Variants in MTUS1 observed in about 807,000 individuals in gnomAD.
The protein encoded by MTUS1 is microtubule-associated tumor suppressor 1.
MTUS1 carries 109 observed loss-of-function variants against 120.8 expected under a neutral mutation model. The observed-to-expected ratio is 0.90, with a 90% CI of 0.77 to 1.06. The LOEUF is 1.06. Among genes scored for constraint, MTUS1 ranks in the 50% least tolerant of loss-of-function variants. The pLI is 0.00. For missense variants in MTUS1, 2,210 were observed against 1,486.3 expected (o/e 1.49, Z -8.01); for synonymous variants, 737 against 550.5 (o/e 1.34, Z -4.74).
At chr8:17,674,866 A>G in intron 8 of MTUS1, 1 of 1,144,508 alleles carries the variant, frequency 8.7e-7, no homozygotes, top group Non-Finnish European at 1.1e-6. Context: ...GTGCTTCAGA[A>G]AAAAAAATGA....
chr8:17,676,098 G>C (rs1233049857), intron 7 of MTUS1: 8 of 573,976 alleles, frequency 1.4e-5, no homozygotes, highest in Non-Finnish European at 2.1e-5. Context: ...GCCCTCACGA[G>C]GATCACCCAA....
At chr8:17,761,645 A>G (rs1311553520) in intron 1 of MTUS1, among the ~76,000 whole-genome samples, 2 of 152,238 alleles carry the variant, frequency 1.3e-5, no homozygotes, top group African/African-American at 4.8e-5. Flanking sequence ...TTGTAACACC[A>G]TATTATAACT....
intron 2 of MTUS1, among the ~76,000 whole-genome samples, chr8:17,746,655 G>C (rs761205186): frequency 6.6e-6 from 1 of 152,096 alleles, no homozygotes; most frequent in African/African-American, 2.4e-5. Context: ...ACAATATGTG[G>C]GAATTACAGG....
rs531602667 is a variant in MTUS1, at chr8:17,739,603, G to C, written c.2287+4001C>G. 2.0e-5 allele frequency among the ~76,000 whole-genome samples: 3 copies of C among 152,290 alleles called. No homozygotes were observed. In the East Asian group the frequency reaches 5.8e-4, roughly 29 times the overall value. On this transcript the variant is annotated intron_variant, in intron 3 of 14. Transcript: ENST00000693296. ...GGTTAACAGCATCACTGGCTGGTCT[G>C]AATCCCACCTCTGCCACTTTCCAGC... is the stretch of plus-strand genomic sequence containing the variant.
At position 17,705,243 on chromosome 8, in the gene MTUS1, C is replaced by A. The variant is rs192345119; in HGVS notation, c.2623+7971G>T. ...AAGCAATCCACCTGTCTTGGCCCCC[C>A]AAAGTGTTGGGATTACAGGCGTGAG... is the stretch of plus-strand genomic sequence containing the variant. On this transcript the variant is annotated intron_variant, in intron 6 of 14. Transcript: ENST00000693296. Among the ~76,000 whole-genome samples, 291 of 152,302 alleles carry A rather than the reference C, an allele frequency of 1.9e-3. 1 individual carries two copies. The highest frequency in any genetic ancestry group is 6.6e-3 in the African/African-American group (273 of 41,572).
intron 6 of MTUS1, among the ~76,000 whole-genome samples, chr8:17,700,352 C>T (rs545868737): frequency 2.3e-4 from 35 of 150,670 alleles, no homozygotes; most frequent in Middle Eastern, 3.5e-3. Context: ...GGCCTGTAAT[C>T]CCAGCTACTC....
chr8:17,740,009 C>G (rs143552885), intron 3 of MTUS1, among the ~76,000 whole-genome samples: 54 of 152,066 alleles, frequency 3.6e-4, no homozygotes, highest in Non-Finnish European at 6.9e-4. Context: ...AGTTCGAGAC[C>G]GGCCTGGCCA....
chr8:17,649,164 A>T (rs548726960), intron 13 of MTUS1, among the ~76,000 whole-genome samples: 1 of 152,110 alleles, frequency 6.6e-6, no homozygotes, highest in South Asian at 2.1e-4. Context: ...TCTCACCTCA[A>T]TGGAACCTCC....
chr8:17,777,601 G>A (rs17125351), intron 1 of MTUS1, among the ~76,000 whole-genome samples: 12,375 of 152,108 alleles, frequency 0.081, 1,702 homozygotes, highest in African/African-American at 0.28. Context: ...ACATACCAAG[G>A]GGAGCAGAAA....
At chr8:17,792,577 C>T (rs1265204534) in intron 1 of MTUS1, among the ~76,000 whole-genome samples, 1 of 152,184 alleles carries the variant, frequency 6.6e-6, no homozygotes, top group Non-Finnish European at 1.5e-5. Context: ...AAAGCAACAT[C>T]AGAAGGCTGG....
intron 1 of MTUS1, among the ~76,000 whole-genome samples, chr8:17,776,756 G>A (rs2050474566): frequency 6.8e-6 from 1 of 148,100 alleles, no homozygotes; most frequent in Admixed American, 6.8e-5. Flanking sequence ...AATGTTGACT[G>A]TAAATTAGAT....
intron 2 of MTUS1, among the ~76,000 whole-genome samples, chr8:17,747,810 T>C (rs768823325): frequency 3.9e-5 from 6 of 152,084 alleles, no homozygotes; most frequent in African/African-American, 7.2e-5. Context: ...AGAGGTTTAA[T>C]TGGACTTAAG....
At chr8:17,678,462 T>C (rs987730691) in intron 7 of MTUS1, among the ~76,000 whole-genome samples, 3 of 152,110 alleles carry the variant, frequency 2.0e-5, no homozygotes, top group African/African-American at 2.4e-5. Flanking sequence ...TTCACCATAA[T>C]TGAATTAGGA....
At chr8:17,691,560 G>A (rs2130832252) in intron 6 of MTUS1, among the ~76,000 whole-genome samples, 2 of 152,302 alleles carry the variant, frequency 1.3e-5, no homozygotes, top group East Asian at 1.9e-4. Context: ...AGGCTGAAAG[G>A]AAGAATCTGG....
chr8:17,674,842 T>G, intron 8 of MTUS1: 1 of 1,101,990 alleles, frequency 9.1e-7, no homozygotes, highest in Non-Finnish European at 1.1e-6. Flanking sequence ...ACTTTCACTA[T>G]TCTCATATGA....
intron 5 of MTUS1, among the ~76,000 whole-genome samples, chr8:17,714,292 C>T (rs1407253405): frequency 6.6e-6 from 1 of 152,108 alleles, no homozygotes; most frequent in Non-Finnish European, 1.5e-5. Context: ...CATTAACCAG[C>T]CTCAAGGTAC....
chr8:17,753,598 T>C, intron 2 of MTUS1, 119 bp downstream of exon 2: 3 of 672,924 alleles, frequency 4.5e-6, no homozygotes, highest in South Asian at 4.6e-5. Flanking sequence ...AACAACTAAA[T>C]GTAAATCTGC....
At chr8:17,796,527 T>A (rs2052257977) in intron 1 of MTUS1, among the ~76,000 whole-genome samples, 1 of 152,166 alleles carries the variant, frequency 6.6e-6, no homozygotes, top group South Asian at 2.1e-4. Flanking sequence ...CATTTATATA[T>A]CAGAGCAATC....
chr8:17,769,237 T>TA (rs754709004), intron 1 of MTUS1, among the ~76,000 whole-genome samples: 1 of 105,768 alleles, frequency 9.5e-6, no homozygotes, highest in Non-Finnish European at 2.2e-5. Flanking sequence ...TATTCCTTTT[T>TA]TTTTTTTTTT....
Sources: gnomAD v4.1 joint callset for allele counts (sites outside exome capture counted in the v4.1 genomes callset) on GRCh38, gnomAD v4.1.1 for gene constraint, MANE v1.5 for transcripts, NCBI Gene and HGNC (gene_info 2026-07-23, HGNC 2026-07-21) for gene names.